The following ANO4 variants were observed in gnomAD, a reference collection of about 807,000 sequenced individuals.
ANO4 encodes the protein anoctamin 4.
A neutral mutation model predicts 141.9 loss-of-function variants in ANO4; 69 were observed. The ratio of observed to expected loss-of-function variants is 0.49; its 90% CI spans 0.40 to 0.59. The LOEUF (loss-of-function observed/expected upper bound fraction) is 0.59. ANO4 is among the 20% of genes least tolerant of loss of function. The probability of loss-of-function intolerance (pLI) is 0.00; values close to 1 mark genes in which losing one functional copy is unlikely to be tolerated. For synonymous variants in ANO4, 350 were observed against 394.3 expected (o/e 0.89, Z 1.33); for missense variants, 894 against 1,162.2 (o/e 0.77, Z 3.36).
intron 14 of ANO4, among the ~76,000 whole-genome samples, chr12:101,077,506 G>A (rs2049068401): frequency 6.6e-6 from 1 of 152,190 alleles, no homozygotes; most frequent in Admixed American, 6.5e-5. Flanking sequence ...CATTGACACA[G>A]ATAAGCACAT....
At chr12:100,846,665 C>A (rs1248158554) in intron 1 of ANO4, among the ~76,000 whole-genome samples, 1 of 152,130 alleles carries the variant, frequency 6.6e-6, no homozygotes. Context: ...CAAAAGTACT[C>A]ATCTCTGCTT....
intron 1 of ANO4, among the ~76,000 whole-genome samples, chr12:100,896,052 C>G (rs1170213666): frequency 6.6e-6 from 1 of 151,878 alleles, no homozygotes; most frequent in African/African-American, 2.4e-5. Flanking sequence ...GCATAACATC[C>G]CCAAGGATGG....
intron 8 of ANO4, among the ~76,000 whole-genome samples, chr12:101,004,314 C>G (rs992406062): frequency 2.0e-5 from 3 of 152,002 alleles, no homozygotes; most frequent in Non-Finnish European, 4.4e-5. Flanking sequence ...AGCTGAGCCT[C>G]GGACTCCTGG....
intron 1 of ANO4, among the ~76,000 whole-genome samples, chr12:100,840,152 G>A (rs967201705): frequency 1.3e-5 from 2 of 150,998 alleles, no homozygotes; most frequent in African/African-American, 2.4e-5. Context: ...AACAATAAAG[G>A]GACCACTGTC....
intron 1 of ANO4, among the ~76,000 whole-genome samples, chr12:100,725,343 CTT>C (rs5800419): frequency 5.2e-5 from 6 of 114,958 alleles, no homozygotes; most frequent in African/African-American, 1.0e-4. Flanking sequence ...AAATTGGTAT[CTT>C]TTTTTTTTTT....
At chr12:100,874,876 A>G (rs1001977040) in intron 1 of ANO4, among the ~76,000 whole-genome samples, 3 of 152,040 alleles carry the variant, frequency 2.0e-5, no homozygotes, top group Non-Finnish European at 4.4e-5. Flanking sequence ...GTAGCCCCTT[A>G]GTTTTGGCTG....
rs187665569 is a variant in ANO4 at position 100,782,423 on chromosome 12, C to T, written c.358+42318C>T. ...AAACCATGGATTCCTCTTGGCATTT[C>T]CTAGTCTGCTCTCATTATTTTGGGT... On this transcript the variant is annotated intron_variant, in intron 3 of 29. Transcript: ENST00000644049. Among the ~76,000 whole-genome samples, 546 of 152,314 alleles carry T rather than the reference C, an allele frequency of 3.6e-3. 2 individuals are homozygous for T. The highest frequency in any genetic ancestry group is 5.5e-3 in the Non-Finnish European group (377 of 68,030).
intron 7 of ANO4, 106 bp downstream of exon 7, chr12:100,974,995 G>A: frequency 7.4e-7 from 1 of 1,347,990 alleles, no homozygotes; most frequent in Middle Eastern, 2.0e-4. Flanking sequence ...GTGTCACATG[G>A]GAAAGTTGGC....
intron 8 of ANO4, among the ~76,000 whole-genome samples, chr12:101,003,213 A>G (rs2045726399): frequency 6.6e-6 from 1 of 152,258 alleles, no homozygotes; most frequent in Non-Finnish European, 1.5e-5. Context: ...GTTTATTTAT[A>G]GCTCACATAA....
intron 3 of ANO4, among the ~76,000 whole-genome samples, chr12:100,934,384 G>A (rs977214891): frequency 1.3e-5 from 2 of 152,104 alleles, no homozygotes; most frequent in African/African-American, 4.8e-5. Flanking sequence ...TTTTTGTCAG[G>A]TTTGTCAAAG....
At chr12:100,788,538 C>A (rs182010784) in intron 3 of ANO4, among the ~76,000 whole-genome samples, 1 of 152,054 alleles carries the variant, frequency 6.6e-6, no homozygotes, top group South Asian at 2.1e-4. Context: ...TAAACTTGAA[C>A]GTTGTTATAC....
At chr12:100,802,892 A>T (rs527589174) in intron 1 of ANO4, among the ~76,000 whole-genome samples, 1 of 152,260 alleles carries the variant, frequency 6.6e-6, no homozygotes, top group East Asian at 1.9e-4. Context: ...CTCTCCACTC[A>T]TTGTTTTTAG....
chr12:100,965,781 A>T (rs2043626771), intron 5 of ANO4, among the ~76,000 whole-genome samples: 3 of 152,128 alleles, frequency 2.0e-5, no homozygotes, highest in East Asian at 3.9e-4. Flanking sequence ...TCACAGATCA[A>T]CCAGCAAATC....
rs146575198 is a variant in ANO4, at chr12:100,904,749, A to G, written c.55+2909A>G. Among the ~76,000 whole-genome samples the G allele has an allele frequency of 3.5e-3, 530 of 152,272 alleles. 5 individuals carry two copies. Among genetic ancestry groups the G allele is most frequent in the African/African-American group, 0.012 (511 of 41,532 alleles). On this transcript the variant is annotated intron_variant, in intron 2 of 27. Coordinates refer to ENST00000392977, the MANE Select transcript of ANO4 (RefSeq NM_001286615.2). ...GCTCTTACAGGGTTTTGAGCAGAAG[A>G]ATTCCATAATTTGATTTATATTTTA...
intron 1 of ANO4, among the ~76,000 whole-genome samples, chr12:100,732,611 G>T (rs543395785): frequency 6.6e-6 from 1 of 151,940 alleles, no homozygotes; most frequent in Non-Finnish European, 1.5e-5. Flanking sequence ...TGTCTTTGGC[G>T]TTATATCTAA....
rs546613992 is a variant in ANO4, at chr12:101,086,316, G to A, written c.1537-344G>A. On this transcript the variant is annotated intron_variant, in intron 16 of 27. Coordinates refer to ENST00000392977, the MANE Select transcript of ANO4 (RefSeq NM_001286615.2). ...GTTTTGCTTTTATCCTAGAATAATA[G>A]GAAACTAATAAACAATTTTAAACCG... Among the ~76,000 whole-genome samples the A allele has an allele frequency of 2.0e-5, 3 of 152,136 alleles. No homozygotes were observed. In the South Asian group the frequency reaches 6.2e-4, roughly 32 times the overall value.
rs113871862 is a variant in ANO4, at chr12:100,960,602, TAA to T, written c.457-10693_457-10692del. Among the ~76,000 whole-genome samples the T allele has an allele frequency of 1.1e-4, 15 of 136,504 alleles. No individual in the cohort carries two copies. In the South Asian group the frequency reaches 1.6e-3, roughly 15 times the overall value. The allele number at this position is 136,504 out of a possible 152,430, so 89.6% of individuals were successfully genotyped here. A position where few individuals can be genotyped will look rare whatever the true frequency, so the allele number is the denominator to read the frequency against. ...ATGTATCCTGGAACTTAAAGTAAAATAAAAAAAAAAAAGACAGATAGTAAAAA... is the reference window on the plus strand; with the variant it reads ...ATGTATCCTGGAACTTAAAGTAAAATAAAAAAAAAAGACAGATAGTAAAAA... On this transcript the variant is annotated intron_variant, in intron 5 of 27. Coordinates refer to ENST00000392977, the MANE Select transcript of ANO4 (RefSeq NM_001286615.2).
intron 13 of ANO4, 141 bp from the exon 14 acceptor site, chr12:101,048,200 A>G (rs1024817240): frequency 3.8e-6 from 4 of 1,065,530 alleles, no homozygotes; most frequent in African/African-American, 1.6e-5. Flanking sequence ...TTTATGGTTC[A>G]AAAGGAATAT....
At position 100,962,971 on chromosome 12, in the gene ANO4, T is replaced by A. The variant is rs983568928; in HGVS notation, c.457-8335T>A. Reference sequence around the variant, plus strand: ...GTAGAATCAATAAGACTTGGTGATTTGTTGGATATGACATAAGGAAAAAAG... The same window carrying A: ...GTAGAATCAATAAGACTTGGTGATTAGTTGGATATGACATAAGGAAAAAAG... On this transcript the variant is annotated intron_variant, in intron 5 of 27. Transcript: ENST00000392977. 8.5e-5 allele frequency among the ~76,000 whole-genome samples: 13 copies of A among 152,242 alleles called. No homozygotes were observed. The East Asian group carries it at 2.5e-3, about 29-fold the overall frequency.
Sources: gnomAD v4.1 joint callset for allele counts (sites outside exome capture counted in the v4.1 genomes callset) on GRCh38, gnomAD v4.1.1 for gene constraint, MANE v1.5 for transcripts, NCBI Gene and HGNC (gene_info 2026-07-23, HGNC 2026-07-21) for gene names.